Variants in FMN2 observed in about 807,000 individuals in gnomAD.
FMN2 encodes the protein formin 2.
FMN2 carries 51 observed loss-of-function variants against 142.3 expected under a neutral mutation model. The observed-to-expected ratio is 0.36, with a 90% CI of 0.29 to 0.45. The LOEUF is 0.45. FMN2 is among the 20% of genes least tolerant of loss of function. The pLI, the probability that FMN2 is intolerant of heterozygous loss-of-function variation, is 1.00. For missense variants in FMN2, 1,936 were observed against 2,122.8 expected (o/e 0.91, Z 1.73); for synonymous variants, 882 against 869.8 (o/e 1.01, Z -0.25).
intron 8 of FMN2, among the ~76,000 whole-genome samples, chr1:240,313,985 A>G (rs977954001): frequency 3.3e-5 from 5 of 152,156 alleles, no homozygotes; most frequent in Non-Finnish European, 7.3e-5. Context: ...CAGAAAAAAA[A>G]TAGTGTATGT....
chr1:240,459,731 A>T (rs1338168322), intron 16 of FMN2, among the ~76,000 whole-genome samples: 33 of 105,644 alleles, frequency 3.1e-4, no homozygotes, highest in African/African-American at 1.5e-3. Context: ...AAAAAAAAAA[A>T]AAAAAAAAAA....
chr1:240,306,244 G>A (rs558844650), intron 8 of FMN2, among the ~76,000 whole-genome samples: 4 of 152,164 alleles, frequency 2.6e-5, no homozygotes, highest in African/African-American at 7.2e-5. Flanking sequence ...CACCGCACCC[G>A]GCTGCTTATA....
At chr1:240,460,685 A>G (rs1316007961) in intron 16 of FMN2, among the ~76,000 whole-genome samples, 3 of 149,494 alleles carry the variant, frequency 2.0e-5, no homozygotes, top group Non-Finnish European at 4.4e-5. Context: ...TATAATATGC[A>G]TTAAATATAA....
chr1:240,096,540 G>A (rs1412981160), intron 1 of FMN2, among the ~76,000 whole-genome samples: 1 of 152,250 alleles, frequency 6.6e-6, no homozygotes, highest in East Asian at 1.9e-4. Flanking sequence ...TTTTACGGGT[G>A]TCTTGGAAAT....
chr1:240,300,552 A>G (rs769580086), intron 8 of FMN2, among the ~76,000 whole-genome samples: 4 of 152,154 alleles, frequency 2.6e-5, no homozygotes, highest in Non-Finnish European at 4.4e-5. Flanking sequence ...CTCACTTTGT[A>G]CTAGTTTCTT....
intron 4 of FMN2, among the ~76,000 whole-genome samples, chr1:240,198,233 T>A (rs1306519261): frequency 6.6e-6 from 1 of 152,212 alleles, no homozygotes; most frequent in African/African-American, 2.4e-5. Context: ...TCTCAATATG[T>A]GAGCAGGAAC....
At chr1:240,439,454 T>C (rs1177027132) in intron 16 of FMN2, among the ~76,000 whole-genome samples, 1 of 152,190 alleles carries the variant, frequency 6.6e-6, no homozygotes, top group African/African-American at 2.4e-5. Context: ...ATGAATTAAT[T>C]GGTTACATTT....
chr1:240,129,502 T>C (rs1304715082), intron 2 of FMN2, among the ~76,000 whole-genome samples: 1 of 148,924 alleles, frequency 6.7e-6, no homozygotes, highest in Non-Finnish European at 1.5e-5. Flanking sequence ...TGCCTGCTGA[T>C]GCCTTTTTTT....
At position 240,357,195 on chromosome 1, in the gene FMN2, T is replaced by G. The variant is rs1385259126; in HGVS notation, c.4858+1287T>G. Among the ~76,000 whole-genome samples, 4 of 152,192 alleles carry G rather than the reference T, an allele frequency of 2.6e-5. No homozygotes were observed. In the East Asian group the frequency reaches 5.8e-4, roughly 22 times the overall value. ...GCATAGAATATTCATTTTTGTCTTA[T>G]AAGAAGAAAGGAATCCTTAATCCTA... On this transcript the variant is annotated intron_variant, in intron 14 of 17. Coordinates refer to ENST00000319653, the MANE Select transcript of FMN2 (RefSeq NM_020066.5).
chr1:240,102,105 T>G (rs76727100), intron 1 of FMN2, among the ~76,000 whole-genome samples: 3,744 of 152,288 alleles, frequency 0.025, 141 homozygotes, highest in African/African-American at 0.085. Flanking sequence ...TTCCTACTAT[T>G]GAATATGCTT....
At chr1:240,232,247 A>G (rs1033362836) in intron 6 of FMN2, among the ~76,000 whole-genome samples, 3 of 122,056 alleles carry the variant, frequency 2.5e-5, no homozygotes, top group African/African-American at 1.0e-4. Context: ...GGCCCAGCTA[A>G]TCTTTTTTTT....
chr1:240,211,031 G>T, intron 5 of FMN2, 60 bp from the exon 6 acceptor site: 3 of 1,503,580 alleles, frequency 2.0e-6, no homozygotes, highest in South Asian at 1.3e-5. Context: ...TTCTATTTAT[G>T]CTTGCTGTGA....
At chr1:240,176,017 T>TTG (rs1240139682) in intron 2 of FMN2, among the ~76,000 whole-genome samples, 1 of 152,194 alleles carries the variant, frequency 6.6e-6, no homozygotes, top group Non-Finnish European at 1.5e-5. Flanking sequence ...TTCACTCTGA[T>TTG]TGTGTCCTTT....
At chr1:240,418,935 C>T (rs1461141157) in intron 15 of FMN2, among the ~76,000 whole-genome samples, 1 of 151,994 alleles carries the variant, frequency 6.6e-6, no homozygotes, top group Non-Finnish European at 1.5e-5. Context: ...CATGAAACCC[C>T]GTCTCTACTA....
At chr1:240,132,096 A>T (rs1261002436) in intron 2 of FMN2, among the ~76,000 whole-genome samples, 1 of 152,184 alleles carries the variant, frequency 6.6e-6, no homozygotes, top group Non-Finnish European at 1.5e-5. Context: ...AGTGGAGTAG[A>T]TGATTTCTTT....
chr1:240,362,900 G>A (rs72767921), intron 14 of FMN2, among the ~76,000 whole-genome samples: 5 of 152,010 alleles, frequency 3.3e-5, no homozygotes, highest in South Asian at 4.2e-4. Context: ...ACTTCTACCC[G>A]CCTCCCCGCT....
intron 2 of FMN2, chr1:240,145,389 C>A: frequency 3.8e-6 from 2 of 523,328 alleles, no homozygotes; most frequent in Non-Finnish European, 6.6e-6. Context: ...GCTGCCACTG[C>A]CCTTTATTTT....
intron 8 of FMN2, among the ~76,000 whole-genome samples, chr1:240,298,985 C>T (rs1034676427): frequency 2.0e-5 from 3 of 151,788 alleles, no homozygotes; most frequent in African/African-American, 7.3e-5. Flanking sequence ...GAGTCTCACT[C>T]TGTCACCCAA....
rs186555806 is a variant in FMN2, at chr1:240,336,540, T to A, written c.4765+2311T>A. 3.1e-4 allele frequency among the ~76,000 whole-genome samples: 36 copies of A among 116,966 alleles called. No individual in the cohort carries two copies. The East Asian group carries it at 7.8e-3, about 25-fold the overall frequency. 76.7% of individuals were successfully genotyped at this position (116,966 alleles called of 152,430 possible). On this transcript the variant is annotated intron_variant, in intron 13 of 17. Transcript: ENST00000319653. ...ATGTTAAGTTAAAGTTAAAAGGACT[T>A]CATGGTATTCTCCAAAAAAAAAAAA...
Sources: gnomAD v4.1 joint callset for allele counts (sites outside exome capture counted in the v4.1 genomes callset) on GRCh38, gnomAD v4.1.1 for gene constraint, MANE v1.5 for transcripts, NCBI Gene and HGNC (gene_info 2026-07-23, HGNC 2026-07-21) for gene names.